WASF3: variants seen among roughly 807,000 people sequenced by gnomAD.
WASF3 encodes actin-binding protein WASF3.
WASF3 carries 11 observed loss-of-function variants against 46.6 expected under a neutral mutation model. The observed-to-expected ratio is 0.24, with a 90% confidence interval of 0.15 to 0.39. WASF3 has a LOEUF of 0.39. WASF3 is among the 10% of genes least tolerant of loss of function. WASF3 has a pLI of 1.00. For missense variants in WASF3, 576 were observed against 669.8 expected, an observed-to-expected ratio of 0.86 and a Z score of 1.55; for synonymous variants, 242 against 259.7, an observed-to-expected ratio of 0.93 and a Z score of 0.65.
Position 26,681,037 on chromosome 13 carries a change from T to C in WASF3, c.717-17T>C, listed in dbSNP as rs1433144240. Reference sequence around the variant, plus strand: ...AATTAATTTAAATTTCTCCCACCTCTTGTTTTCAAATGCCAGGTCACATGC... The same window carrying C: ...AATTAATTTAAATTTCTCCCACCTCCTGTTTTCAAATGCCAGGTCACATGC... On this transcript the variant is annotated splice_polypyrimidine_tract_variant and intron_variant, in intron 7 of 9. Coordinates refer to ENST00000335327, the MANE Select transcript of WASF3 (RefSeq NM_006646.6). 1 of 1,584,152 alleles carries C rather than the reference T, an allele frequency of 6.3e-7. No individual in the cohort carries two copies. Among genetic ancestry groups the C allele is most frequent in the Non-Finnish European group, 8.6e-7 (1 of 1,158,706 alleles).
At chr13:26,561,029 G>T (rs1879277958) in intron 1 of WASF3, among the ~76,000 whole-genome samples, 1 of 152,116 alleles carries the variant, frequency 6.6e-6, no homozygotes, top group Admixed American at 6.5e-5. Flanking sequence ...GGGAGGTGAT[G>T]CACTGGAGCA....
At chr13:26,555,299 GAATA>G (rs541522748), upstream of WASF3, among the ~76,000 whole-genome samples, 536 of 152,154 alleles carry the variant, frequency 3.5e-3, 2 homozygotes, top group Non-Finnish European at 5.8e-3. Flanking sequence ...TGGGTCTTAT[GAATA>G]AATAGAGTGA....
chr13:26,601,807 A>AG (rs1399802420), intron 1 of WASF3, among the ~76,000 whole-genome samples: 1 of 152,242 alleles, frequency 6.6e-6, no homozygotes, highest in Non-Finnish European at 1.5e-5. Context: ...ATTTGGAGAC[A>AG]GATCAGTGCT....
intron 2 of WASF3, among the ~76,000 whole-genome samples, chr13:26,617,275 T>A (rs1454938652): frequency 6.6e-6 from 1 of 151,880 alleles, no homozygotes; most frequent in South Asian, 2.1e-4. Context: ...GTTTTTTTTT[T>A]ACCAATTGAA....
At chr13:26,676,769 T>C in intron 7 of WASF3, 45 bp downstream of exon 7, 1 of 1,557,272 alleles carries the variant, frequency 6.4e-7, no homozygotes, top group Non-Finnish European at 8.7e-7. Flanking sequence ...CTTGGGCAAC[T>C]GGGTACTACC....
chr13:26,657,293 A>C (rs564540123), intron 3 of WASF3, among the ~76,000 whole-genome samples: 54 of 152,370 alleles, frequency 3.5e-4, no homozygotes, highest in African/African-American at 1.1e-3. Context: ...CAAATACAGA[A>C]GATAATGTCT....
intron 7 of WASF3, chr13:26,680,094 A>G: frequency 6.3e-7 from 1 of 1,598,282 alleles, no homozygotes; most frequent in Non-Finnish European, 8.5e-7. Flanking sequence ...GAAAAGTCAG[A>G]ACAAGAAAAG....
rs142986777 is a variant in WASF3, at chr13:26,560,177, C to CT, written c.-109+2365dup. On this transcript the variant is annotated intron_variant, in intron 1 of 9. Transcript: ENST00000335327. ...AGGGCCCTGTTTCTTTCAAGTCAGG[C>CT]TTTTTTTGGCTTTGCTCTTGGGCAT... Among the ~76,000 whole-genome samples, 793 of 152,058 alleles carry CT rather than the reference C, an allele frequency of 5.2e-3. 8 individuals carry two copies. Among genetic ancestry groups the CT allele is most frequent in the African/African-American group, 0.018 (755 of 41,482 alleles).
chr13:26,636,633 A>C (rs1477384358), intron 2 of WASF3, among the ~76,000 whole-genome samples: 1 of 152,216 alleles, frequency 6.6e-6, no homozygotes, highest in Non-Finnish European at 1.5e-5. Context: ...AGCTGTTCCT[A>C]TTCGGCCATC....
At chr13:26,659,794 T>G (rs957008831) in intron 3 of WASF3, among the ~76,000 whole-genome samples, 3 of 152,090 alleles carry the variant, frequency 2.0e-5, no homozygotes, top group African/African-American at 7.2e-5. Flanking sequence ...CTAAAGTCTG[T>G]GACTGGAGCA....
chr13:26,578,230 A>C (rs1188403460), intron 1 of WASF3, among the ~76,000 whole-genome samples: 1 of 152,168 alleles, frequency 6.6e-6, no homozygotes, highest in African/African-American at 2.4e-5. Context: ...GGGGGAAAGC[A>C]TTCAGTCCTT....
chr13:26,611,380 A>G (rs945433358), intron 1 of WASF3, among the ~76,000 whole-genome samples: 6 of 152,270 alleles, frequency 3.9e-5, no homozygotes, highest in African/African-American at 1.4e-4. Flanking sequence ...AACAAAAATA[A>G]TAAGTCCATA....
chr13:26,614,466 G>A (rs562003531), intron 2 of WASF3, among the ~76,000 whole-genome samples: 1 of 152,282 alleles, frequency 6.6e-6, no homozygotes, highest in East Asian at 1.9e-4. Context: ...GAAAAGGAAA[G>A]CGTAACGTAT....
chr13:26,558,218 C>T (rs1036132916), intron 1 of WASF3, among the ~76,000 whole-genome samples: 1 of 152,080 alleles, frequency 6.6e-6, no homozygotes, highest in Non-Finnish European at 1.5e-5. Flanking sequence ...CCCCGGGCCG[C>T]TCCGCGTCCG....
At chr13:26,558,822 C>T (rs1209630175) in intron 1 of WASF3, among the ~76,000 whole-genome samples, 1 of 152,090 alleles carries the variant, frequency 6.6e-6, no homozygotes, top group Non-Finnish European at 1.5e-5. Context: ...AAATGCATAG[C>T]AGAACATGGT....
chr13:26,675,434 T>C (rs142939794), intron 6 of WASF3, among the ~76,000 whole-genome samples: 56 of 151,278 alleles, frequency 3.7e-4, no homozygotes, highest in African/African-American at 1.4e-3. Context: ...CTTTCAATAC[T>C]CTCAGTCATT....
chr13:26,578,444 A>C (rs34532089), intron 1 of WASF3, among the ~76,000 whole-genome samples: 32,318 of 152,080 alleles, frequency 0.21, 3,860 homozygotes, highest in East Asian at 0.27. Context: ...CCCTCCCTGC[A>C]GTTGTTTGCA....
chr13:26,680,580 C>T (rs1004738795), intron 7 of WASF3, among the ~76,000 whole-genome samples: 2 of 152,188 alleles, frequency 1.3e-5, no homozygotes, highest in South Asian at 4.1e-4. Flanking sequence ...AAATATGATT[C>T]ACTCTACTGC....
intron 1 of WASF3, among the ~76,000 whole-genome samples, chr13:26,590,649 A>G (rs494000): frequency 0.82 from 125,204 of 152,166 alleles, 51,489 homozygotes; most frequent in East Asian, 0.91. Flanking sequence ...AAGTCTGCTA[A>G]GCTAATATTT....
Sources: allele counts gnomAD v4.1 joint callset (sites outside exome capture counted in the v4.1 genomes callset), GRCh38; gene constraint gnomAD v4.1.1; transcripts MANE v1.5; gene names NCBI Gene and HGNC (gene_info 2026-07-23, HGNC 2026-07-21).